DDHD1: variants seen among roughly 807,000 people sequenced by gnomAD.
The protein encoded by DDHD1 is DDHD domain containing 1.
A neutral mutation model predicts 96.4 loss-of-function variants in DDHD1; 49 were observed. The ratio of observed to expected loss-of-function variants is 0.51; its 90% confidence interval spans 0.40 to 0.64. The LOEUF (loss-of-function observed/expected upper bound fraction) is 0.64, where lower values mean the gene tolerates loss of function less well. Ranked by LOEUF, DDHD1 falls within the 30% of genes least tolerant of loss-of-function variation. DDHD1 has a pLI of 0.00. For synonymous variants in DDHD1, 442 were observed against 446.5 expected (o/e 0.99, Z 0.13); for missense variants, 1,106 against 1,161.2 (o/e 0.95, Z 0.69).
chr14:53,113,349 CTT>C (rs111843777), intron 1 of DDHD1, among the ~76,000 whole-genome samples: 1 of 107,018 alleles, frequency 9.3e-6, no homozygotes, highest in African/African-American at 4.2e-5. Flanking sequence ...TTTTCTTTTT[CTT>C]TTTTTTTTCT....
At chr14:53,105,874 T>C (rs1887649833) in intron 1 of DDHD1, among the ~76,000 whole-genome samples, 1 of 152,180 alleles carries the variant, frequency 6.6e-6, no homozygotes, top group Non-Finnish European at 1.5e-5. Context: ...GTGGTATTTC[T>C]GCTATTTTTT....
chr14:53,058,502 T>C lies in DDHD1; in HGVS notation c.1967A>G (p.Asn656Ser). 2 of 1,612,570 alleles carry C rather than the reference T, an allele frequency of 1.2e-6. No homozygotes were observed. The highest frequency in any genetic ancestry group is 1.3e-5 in the African/African-American group (1 of 74,960). ...LPREICNRLLNIFHPTDPVAY... is the reference protein window; with the variant it reads ...LPREICNRLLSIFHPTDPVAY... ...CACTGGATCTGTAGGATGAAAAATATTTAGTAACCGGTTACAAATCTCTCT... is the reference window on the plus strand; with the variant it reads ...CACTGGATCTGTAGGATGAAAAATACTTAGTAACCGGTTACAAATCTCTCT... The change falls in exon 9 of 13, where the codon AAT (asparagine) becomes AGT (serine). Residue 656 changes from asparagine (N) to serine (S), a missense_variant. Around this residue, in one of 2 missense-constraint regions of DDHD1, gnomAD observed 650 missense variants for 758.8 expected, o/e 0.86. Coordinates refer to ENST00000673822, the MANE Select transcript of DDHD1 (RefSeq NM_001160148.2).
chr14:53,084,801 C>A (rs888227564), intron 4 of DDHD1, among the ~76,000 whole-genome samples: 2 of 152,220 alleles, frequency 1.3e-5, no homozygotes, highest in Non-Finnish European at 2.9e-5. Flanking sequence ...CCATGGAGGG[C>A]AAGCCGAAGC....
At chr14:53,050,301 G>A (rs1022211389) in intron 12 of DDHD1, among the ~76,000 whole-genome samples, 2 of 152,130 alleles carry the variant, frequency 1.3e-5, no homozygotes, top group Admixed American at 6.5e-5. Context: ...GAAAAATCAG[G>A]AACGATTAAA....
chr14:53,145,896 G>A (rs1430491576), intron 1 of DDHD1, among the ~76,000 whole-genome samples: 4 of 152,214 alleles, frequency 2.6e-5, no homozygotes, highest in Non-Finnish European at 4.4e-5. Flanking sequence ...ATAGCTTAAT[G>A]TAGTAAGACA....
intron 1 of DDHD1, among the ~76,000 whole-genome samples, chr14:53,140,853 T>A (rs1254206110): frequency 6.6e-6 from 1 of 152,152 alleles, no homozygotes; most frequent in Non-Finnish European, 1.5e-5. Flanking sequence ...CATACAGGTT[T>A]AAAAGTAAAA....
chr14:53,131,837 C>T (rs1024436514), intron 1 of DDHD1, among the ~76,000 whole-genome samples: 2 of 152,110 alleles, frequency 1.3e-5, no homozygotes, highest in Admixed American at 6.6e-5. Context: ...AAAAGGACAT[C>T]GCACATCCCC....
chr14:53,091,727 C>T (rs1437870851), intron 4 of DDHD1, 58 bp downstream of exon 4: 60 of 1,556,646 alleles, frequency 3.9e-5, no homozygotes, highest in South Asian at 2.7e-4. Context: ...TCTCTTATAC[C>T]CTGGATCAAA....
chr14:53,071,489 C>A (rs971842916), intron 6 of DDHD1, among the ~76,000 whole-genome samples: 1 of 151,980 alleles, frequency 6.6e-6, no homozygotes, highest in Non-Finnish European at 1.5e-5. Flanking sequence ...TGTACAAGAT[C>A]CTTGTACAGT....
rs115129961 is a variant in DDHD1, at chr14:53,147,395, C to T, written c.838+4866G>A. Among the ~76,000 whole-genome samples, 899 of 152,278 alleles carry T rather than the reference C, an allele frequency of 5.9e-3. 7 individuals are homozygous for T. The highest frequency in any genetic ancestry group is 0.02 in the African/African-American group (842 of 41,570). On this transcript the variant is annotated intron_variant, in intron 1 of 12. Transcript: ENST00000673822. Reference sequence around the variant, plus strand: ...GGTTGACAGGGGTAAGAAAACCACACTGATTGCTCTAAGCATTTGCATAAA... The same window carrying T: ...GGTTGACAGGGGTAAGAAAACCACATTGATTGCTCTAAGCATTTGCATAAA...
intron 1 of DDHD1, among the ~76,000 whole-genome samples, chr14:53,132,618 T>C (rs1889956394): frequency 6.6e-6 from 1 of 152,212 alleles, no homozygotes; most frequent in African/African-American, 2.4e-5. Flanking sequence ...TGACTCTAAA[T>C]ATGCCTTCCA....
At chr14:53,118,231 A>T (rs1286964962) in intron 1 of DDHD1, among the ~76,000 whole-genome samples, 1 of 152,170 alleles carries the variant, frequency 6.6e-6, no homozygotes, top group Non-Finnish European at 1.5e-5. Context: ...AAGCTGAAAA[A>T]TCCAAAAAAC....
intron 2 of DDHD1, 52 bp from the exon 3 acceptor site, chr14:53,093,496 T>G: frequency 6.3e-7 from 1 of 1,584,494 alleles, no homozygotes; most frequent in Non-Finnish European, 8.5e-7. Context: ...AAACTTTATT[T>G]GTTTGAAGAA....
In DDHD1 at chr14:53,044,987, G is replaced by C. The variant is rs1436233813; in HGVS notation, c.*1781C>G. 1.3e-5 allele frequency: 2 copies of C among 152,214 alleles called. No homozygotes were observed. Among genetic ancestry groups the C allele is most frequent in the Non-Finnish European group, 2.9e-5 (2 of 68,048 alleles). The allele number at this position is 152,214 out of a possible 1,614,324, so 9.4% of individuals were successfully genotyped here. A position where few individuals can be genotyped will look rare whatever the true frequency, so the allele number is the denominator to read the frequency against. On this transcript the variant is annotated 3_prime_UTR_variant, in exon 13 of 13. Coordinates refer to ENST00000673822, the MANE Select transcript of DDHD1 (RefSeq NM_001160148.2). ...AGTGGAACCTAGTGGAAACCACTCA[G>C]AAGTGAGGGTTGTGTGCAACAGGGA...
rs1407117477 is a variant in DDHD1, at chr14:53,046,375, A to T, written c.*393T>A. 6.5e-6 allele frequency: 1 copy of T among 153,388 alleles called. No individual in the cohort carries two copies. The highest frequency in any genetic ancestry group is 1.5e-5 in the Non-Finnish European group (1 of 68,884). 9.5% of individuals were successfully genotyped at this position (153,388 alleles called of 1,614,324 possible). On this transcript the variant is annotated 3_prime_UTR_variant, in exon 13 of 13. Transcript: ENST00000673822. ...AAAACGATACCACCTTGTGATCTTCATATAGAATATGCTGAACCTTGACCA... is the reference window on the plus strand; with the variant it reads ...AAAACGATACCACCTTGTGATCTTCTTATAGAATATGCTGAACCTTGACCA...
At chr14:53,130,243 C>A (rs1445491168) in intron 1 of DDHD1, among the ~76,000 whole-genome samples, 1 of 152,168 alleles carries the variant, frequency 6.6e-6, no homozygotes, top group Non-Finnish European at 1.5e-5. Context: ...ACCTGCCCAA[C>A]AATTTCCTCT....
At chr14:53,148,261 C>T (rs1467217309) in intron 1 of DDHD1, among the ~76,000 whole-genome samples, 1 of 151,904 alleles carries the variant, frequency 6.6e-6, no homozygotes, top group Non-Finnish European at 1.5e-5. Flanking sequence ...GAATAGAAAT[C>T]ACACAACTCC....
intron 2 of DDHD1, among the ~76,000 whole-genome samples, chr14:53,095,011 C>A (rs2139686983): frequency 6.6e-6 from 1 of 152,290 alleles, no homozygotes; most frequent in Non-Finnish European, 1.5e-5. Context: ...TAGCACCAAA[C>A]AGAATGTCCT....
Position 53,137,743 on chromosome 14 carries a change from T to C in DDHD1, c.838+14518A>G, listed in dbSNP as rs141793989. ...ATAAGGGGTAGGATGAACAGAAAAA[T>C]AAATTTGGAGAATAGCCAAATTTGA... is the stretch of plus-strand genomic sequence containing the variant. On this transcript the variant is annotated intron_variant, in intron 1 of 12. Coordinates refer to ENST00000673822, the MANE Select transcript of DDHD1 (RefSeq NM_001160148.2). 1.2e-3 allele frequency among the ~76,000 whole-genome samples: 178 copies of C among 152,160 alleles called. 1 individual carries two copies. Among genetic ancestry groups the C allele is most frequent in the African/African-American group, 4.2e-3 (173 of 41,520 alleles).
Sources: allele counts gnomAD v4.1 joint callset (sites outside exome capture counted in the v4.1 genomes callset), GRCh38; gene constraint gnomAD v4.1.1; regional missense constraint gnomAD v4.1.1; transcripts MANE v1.5; gene names NCBI Gene and HGNC (gene_info 2026-07-23, HGNC 2026-07-21).